GALNTL6: variants seen among roughly 807,000 people sequenced by gnomAD.
GALNTL6 encodes polypeptide N-acetylgalactosaminyltransferase-like 6.
GALNTL6 carries 46 observed loss-of-function variants against 73.7 expected under a neutral mutation model. That is an observed-to-expected ratio of 0.62 (90% CI 0.49 to 0.80). GALNTL6 has a LOEUF of 0.80. GALNTL6 is among the 30% of genes least tolerant of loss of function. The probability of loss-of-function intolerance (pLI) is 0.00; values close to 1 mark genes in which losing one functional copy is unlikely to be tolerated. For synonymous variants in GALNTL6, 259 were observed against 263.7 expected, an observed-to-expected ratio of 0.98 and a Z score of 0.17; for missense variants, 604 against 755.0, an observed-to-expected ratio of 0.80 and a Z score of 2.34.
At chr4:172,014,605 G>T (rs1472138372) in intron 2 of GALNTL6, among the ~76,000 whole-genome samples, 1 of 151,842 alleles carries the variant, frequency 6.6e-6, no homozygotes, top group Non-Finnish European at 1.5e-5. Flanking sequence ...GGTTTGATTT[G>T]TTCTTGTTTC....
chr4:171,838,473 T>C (rs985990200), intron 2 of GALNTL6, among the ~76,000 whole-genome samples: 1 of 152,130 alleles, frequency 6.6e-6, no homozygotes, highest in Non-Finnish European at 1.5e-5. Context: ...ATAAATATTT[T>C]ATTGTTCTCC....
At chr4:172,002,404 C>T (rs1188815068) in intron 2 of GALNTL6, among the ~76,000 whole-genome samples, 3 of 152,078 alleles carry the variant, frequency 2.0e-5, no homozygotes, top group African/African-American at 7.2e-5. Flanking sequence ...GAAGTGGATG[C>T]TCACCAAAGG....
intron 5 of GALNTL6, among the ~76,000 whole-genome samples, chr4:172,419,601 G>A (rs756246999): frequency 2.6e-5 from 4 of 152,048 alleles, no homozygotes; most frequent in South Asian, 2.1e-4. Context: ...AGTGACTTTC[G>A]AATTGAGGCT....
chr4:172,033,950 G>C (rs1741847360), intron 2 of GALNTL6, among the ~76,000 whole-genome samples: 1 of 151,938 alleles, frequency 6.6e-6, no homozygotes, highest in East Asian at 1.9e-4. Flanking sequence ...AATTGCTCAG[G>C]GCTGCCAACT....
At chr4:172,780,992 T>A (rs1311184824) in intron 5 of GALNTL6, among the ~76,000 whole-genome samples, 1 of 152,190 alleles carries the variant, frequency 6.6e-6, no homozygotes, top group East Asian at 1.9e-4. Flanking sequence ...GAATTTGCCA[T>A]TTGTCAGTAG....
chr4:172,986,320 G>C (rs1468348746), intron 10 of GALNTL6, among the ~76,000 whole-genome samples: 1 of 152,208 alleles, frequency 6.6e-6, no homozygotes, highest in African/African-American at 2.4e-5. Flanking sequence ...GCATGACAAT[G>C]ATGTTAGTAC....
intron 2 of GALNTL6, among the ~76,000 whole-genome samples, chr4:172,148,570 A>G (rs1207514346): frequency 6.6e-6 from 1 of 152,222 alleles, no homozygotes; most frequent in Non-Finnish European, 1.5e-5. Flanking sequence ...AAGCCTTATA[A>G]CCTAGTATGT....
chr4:173,008,318 C>T (rs550909068), intron 10 of GALNTL6, among the ~76,000 whole-genome samples: 23 of 152,214 alleles, frequency 1.5e-4, no homozygotes, highest in Non-Finnish European at 3.4e-4. Context: ...CCAAATTAAG[C>T]ACTATCTGAA....
At chr4:172,447,385 T>G (rs1035158043) in intron 5 of GALNTL6, among the ~76,000 whole-genome samples, 32 of 152,172 alleles carry the variant, frequency 2.1e-4, no homozygotes, top group Admixed American at 6.5e-4. Context: ...AAGGGAGATA[T>G]ATGCATTTGT....
At chr4:172,588,126 T>C (rs1737491095) in intron 5 of GALNTL6, among the ~76,000 whole-genome samples, 1 of 151,894 alleles carries the variant, frequency 6.6e-6, no homozygotes. Context: ...AAGAAGAAGG[T>C]TTTAAAGCTT....
chr4:172,516,074 AC>A (rs1220590439), intron 5 of GALNTL6, among the ~76,000 whole-genome samples: 2 of 152,248 alleles, frequency 1.3e-5, no homozygotes, highest in Non-Finnish European at 2.9e-5. Flanking sequence ...ACTTTCAAGT[AC>A]CCAGTACCTT....
chr4:172,123,373 C>T (rs978881872), intron 2 of GALNTL6, among the ~76,000 whole-genome samples: 3 of 151,952 alleles, frequency 2.0e-5, no homozygotes, highest in Admixed American at 2.0e-4. Flanking sequence ...AATGTTTCCA[C>T]CTTTATTCAC....
chr4:172,292,399 C>G (rs909279940), intron 3 of GALNTL6, among the ~76,000 whole-genome samples: 4 of 152,004 alleles, frequency 2.6e-5, no homozygotes, highest in Admixed American at 2.0e-4. Flanking sequence ...TCCAAGGTTT[C>G]CAAGAGAATA....
At chr4:172,024,002 ATAAT>A (rs1357372362) in intron 2 of GALNTL6, among the ~76,000 whole-genome samples, 2 of 151,876 alleles carry the variant, frequency 1.3e-5, no homozygotes, top group Non-Finnish European at 1.5e-5. Context: ...TAAAAAATAT[ATAAT>A]TAATCTACTG....
chr4:171,883,631 C>G (rs771858292), intron 2 of GALNTL6, among the ~76,000 whole-genome samples: 9 of 151,002 alleles, frequency 6.0e-5, no homozygotes, highest in Non-Finnish European at 1.2e-4. Context: ...TATACATGTT[C>G]TTATATATGT....
chr4:172,981,728 T>C (rs1295647356), intron 10 of GALNTL6, among the ~76,000 whole-genome samples: 2 of 151,782 alleles, frequency 1.3e-5, no homozygotes, highest in Non-Finnish European at 2.9e-5. Flanking sequence ...TTATATTTCT[T>C]AAAAAAACAT....
chr4:171,825,258 G>T (rs1734792261), intron 2 of GALNTL6, among the ~76,000 whole-genome samples: 1 of 152,116 alleles, frequency 6.6e-6, no homozygotes, highest in African/African-American at 2.4e-5. Flanking sequence ...TAATGCGGCT[G>T]GAGACCATAG....
chr4:172,832,944 C>T lies in GALNTL6; in HGVS notation c.923+19221C>T, dbSNP rs141868572. ...TCCCCACCAGCTCCAGCTAGAAAAA[C>T]GTGAAGGGAAGACCTATCTTGTGCA... On this transcript the variant is annotated intron_variant, in intron 7 of 12. Transcript: ENST00000506823. 8.9e-4 allele frequency among the ~76,000 whole-genome samples: 135 copies of T among 152,276 alleles called. No homozygotes were observed. The South Asian group carries it at 0.019, about 21-fold the overall frequency.
chr4:172,523,361 T>C (rs1188826678), intron 5 of GALNTL6, among the ~76,000 whole-genome samples: 2 of 152,082 alleles, frequency 1.3e-5, no homozygotes, highest in African/African-American at 4.8e-5. Flanking sequence ...TTTAGCACTT[T>C]ATTTATCTAT....
Sources: gnomAD v4.1 joint callset for allele counts (sites outside exome capture counted in the v4.1 genomes callset) on GRCh38, gnomAD v4.1.1 for gene constraint, MANE v1.5 for transcripts, NCBI Gene and HGNC (gene_info 2026-07-23, HGNC 2026-07-21) for gene names.